FYB1: variants seen among roughly 807,000 people sequenced by gnomAD.
The protein encoded by FYB1 is FYN binding protein 1.
A neutral mutation model predicts 94.1 loss-of-function variants in FYB1; 41 were observed. That is an observed-to-expected ratio of 0.44 (90% CI 0.34 to 0.57). The LOEUF (loss-of-function observed/expected upper bound fraction) is 0.57, where lower values mean the gene tolerates loss of function less well. Among genes scored for constraint, FYB1 ranks in the 20% least tolerant of loss-of-function variants. The pLI is 0.02. For synonymous variants in FYB1, 367 were observed against 353.2 expected, an observed-to-expected ratio of 1.04 and a Z score of -0.44; for missense variants, 1,050 against 976.8, an observed-to-expected ratio of 1.07 and a Z score of -1.00.
chr5:39,196,082 G>T (rs948795606), intron 2 of FYB1, among the ~76,000 whole-genome samples: 2 of 152,068 alleles, frequency 1.3e-5, no homozygotes, highest in African/African-American at 4.8e-5. Flanking sequence ...GCTCCATTCA[G>T]TTGAGTACAA....
intron 1 of FYB1, among the ~76,000 whole-genome samples, chr5:39,273,719 G>T (rs1254237394): frequency 2.0e-5 from 3 of 152,148 alleles, no homozygotes; most frequent in African/African-American, 7.2e-5. Flanking sequence ...AGTCAATGGT[G>T]CAATGAATGA....
chr5:39,217,701 A>G (rs1019370272), intron 1 of FYB1, among the ~76,000 whole-genome samples: 3 of 152,140 alleles, frequency 2.0e-5, no homozygotes, highest in Non-Finnish European at 2.9e-5. Flanking sequence ...TTCTGGAGTC[A>G]CAGTCTTAAC....
At chr5:39,119,211 C>T (rs1395349203) in intron 15 of FYB1, among the ~76,000 whole-genome samples, 175 bp from the exon 16 acceptor site, 1 of 151,986 alleles carries the variant, frequency 6.6e-6, no homozygotes, top group Non-Finnish European at 1.5e-5. Context: ...CATAACCTCA[C>T]CAACCTAATA....
At chr5:39,171,823 G>T (rs1260339457) in intron 2 of FYB1, among the ~76,000 whole-genome samples, 1 of 152,176 alleles carries the variant, frequency 6.6e-6, no homozygotes, top group African/African-American at 2.4e-5. Context: ...AAGAGCCAAA[G>T]CATACGTGGG....
intron 1 of FYB1, among the ~76,000 whole-genome samples, chr5:39,237,295 C>A (rs1677448): frequency 0.17 from 25,611 of 151,894 alleles, 5,765 homozygotes; most frequent in African/African-American, 0.5. Context: ...ATGAGATGAC[C>A]GGCTTGCTGA....
chr5:39,168,355 C>A (rs571862639), intron 2 of FYB1, among the ~76,000 whole-genome samples: 2 of 152,106 alleles, frequency 1.3e-5, no homozygotes, highest in South Asian at 4.2e-4. Flanking sequence ...CACTTGTTAG[C>A]CTGAGACAAG....
intron 1 of FYB1, among the ~76,000 whole-genome samples, chr5:39,256,071 A>T (rs1359900831): frequency 1.3e-5 from 2 of 152,216 alleles, no homozygotes; most frequent in African/African-American, 4.8e-5. Context: ...ACAAGTATTT[A>T]TGGGGGCAGT....
In FYB1 at chr5:39,202,928, T is replaced by C. The variant is rs758121747; in HGVS notation, c.33A>G (p.Thr11=). The part of the protein sequence containing the change: MAKYNTGGNP[T]EDVSVNSRPF... ...GTCGGCTATTGACTGAGACATCCTCTGTCGGGTTGCCCCCCGTGTTATATT... is the reference window on the plus strand; with the variant it reads ...GTCGGCTATTGACTGAGACATCCTCCGTCGGGTTGCCCCCCGTGTTATATT... The change falls in exon 2 of 19, where the codon ACA becomes ACG. Residue 11 remains threonine (T), a synonymous_variant. Coordinates refer to ENST00000512982, the MANE Select transcript of FYB1 (RefSeq NM_001465.6). 1 of 1,613,974 alleles carries C rather than the reference T, an allele frequency of 6.2e-7. No homozygotes were observed. Among genetic ancestry groups the C allele is most frequent in the East Asian group, 2.2e-5 (1 of 44,884 alleles).
At chr5:39,167,555 A>C (rs1744850941) in intron 2 of FYB1, among the ~76,000 whole-genome samples, 1 of 152,198 alleles carries the variant, frequency 6.6e-6, no homozygotes. Context: ...TTCTGGGCCT[A>C]TCTTGTTCTT....
At chr5:39,273,442 G>A (rs1459036651) in intron 1 of FYB1, among the ~76,000 whole-genome samples, 1 of 152,214 alleles carries the variant, frequency 6.6e-6, no homozygotes, top group Non-Finnish European at 1.5e-5. Flanking sequence ...CATCACATAT[G>A]TGAGTATATC....
intron 2 of FYB1, among the ~76,000 whole-genome samples, chr5:39,164,725 T>A (rs1744566312): frequency 6.6e-6 from 1 of 152,190 alleles, no homozygotes; most frequent in South Asian, 2.1e-4. Flanking sequence ...TGTGCTACAT[T>A]AATTTATGAC....
At chr5:39,201,734 A>C in intron 2 of FYB1, 92 bp downstream of exon 2, 3 of 1,157,938 alleles carry the variant, frequency 2.6e-6, no homozygotes, top group South Asian at 1.6e-5. Flanking sequence ...GATATAGAGA[A>C]TCATTCCTTG....
At chr5:39,121,183 C>CAAAAAA (rs56376626) in intron 14 of FYB1, among the ~76,000 whole-genome samples, 26 of 57,664 alleles carry the variant, frequency 4.5e-4, no homozygotes, top group East Asian at 8.8e-4. Context: ...TAATGTAAAG[C>CAAAAAA]AAAAAAAAAA....
chr5:39,208,451 G>A (rs753331632), intron 1 of FYB1, among the ~76,000 whole-genome samples: 18 of 152,238 alleles, frequency 1.2e-4, no homozygotes, highest in Admixed American at 2.6e-4. Context: ...TTTACCATAC[G>A]TGGAGTTTCT....
chr5:39,108,508 C>T (rs1227716299), intron 17 of FYB1, among the ~76,000 whole-genome samples: 3 of 151,960 alleles, frequency 2.0e-5, no homozygotes. Flanking sequence ...TAGACTATGC[C>T]TTACTCATCT....
chr5:39,266,217 A>C (rs1174170954), intron 1 of FYB1, among the ~76,000 whole-genome samples: 2 of 152,212 alleles, frequency 1.3e-5, no homozygotes, highest in African/African-American at 4.8e-5. Context: ...GTAGAATTCT[A>C]CTGCCTCTTC....
At chr5:39,154,112 G>A (rs1287747157) in intron 2 of FYB1, among the ~76,000 whole-genome samples, 1 of 152,102 alleles carries the variant, frequency 6.6e-6, no homozygotes, top group African/African-American at 2.4e-5. Context: ...TCAATAAGAT[G>A]TATTACATAT....
At chr5:39,169,927 T>C in intron 2 of FYB1, 1 of 633,968 alleles carries the variant, frequency 1.6e-6, no homozygotes, top group African/African-American at 1.8e-5. Context: ...CCCAGTAGGC[T>C]CCTTCTGTGA....
Position 39,107,125 on chromosome 5 carries a change from T to C in FYB1, c.*318A>G, listed in dbSNP as rs3805577. On this transcript the variant is annotated 3_prime_UTR_variant, in exon 19 of 19. Transcript: ENST00000512982. ...ATGATTTTCCTTTTTCTTTTATTTT[T>C]ATTTTTTGAAGGAGGATTATTTACT... 7.8e-3 allele frequency: 1,456 copies of C among 186,734 alleles called. 80 individuals carry two copies. The East Asian group carries it at 0.11, about 15-fold the overall frequency. 11.6% of individuals were successfully genotyped at this position (186,734 alleles called of 1,614,324 possible).
Sources: gnomAD v4.1 joint callset for allele counts (sites outside exome capture counted in the v4.1 genomes callset) on GRCh38, gnomAD v4.1.1 for gene constraint, MANE v1.5 for transcripts, NCBI Gene and HGNC (gene_info 2026-07-23, HGNC 2026-07-21) for gene names.